Variants in NELL1 observed in about 807,000 individuals in gnomAD.
The protein encoded by NELL1 is neural EGFL like 1.
NELL1 carries 76 observed loss-of-function variants against 107.4 expected under a neutral mutation model. The observed-to-expected ratio is 0.71, with a 90% CI of 0.59 to 0.86. NELL1 has a LOEUF of 0.86. NELL1 is among the 40% of genes least tolerant of loss of function. NELL1 has a pLI of 0.00. For synonymous variants in NELL1, 353 were observed against 341.2 expected, an observed-to-expected ratio of 1.03 and a Z score of -0.38; for missense variants, 1,024 against 1,005.5, an observed-to-expected ratio of 1.02 and a Z score of -0.25.
intron 13 of NELL1, among the ~76,000 whole-genome samples, chr11:21,145,092 A>G (rs936243556): frequency 2.0e-5 from 3 of 152,220 alleles, no homozygotes; most frequent in Non-Finnish European, 2.9e-5. Context: ...TGCCAGGTAC[A>G]TAGTCAGTGC....
intron 13 of NELL1, among the ~76,000 whole-genome samples, chr11:21,118,157 C>G (rs1227397631): frequency 6.6e-6 from 1 of 151,874 alleles, no homozygotes; most frequent in Non-Finnish European, 1.5e-5. Flanking sequence ...GAAATGCAAG[C>G]AAAATACAAT....
At chr11:20,926,978 C>G (rs1255155538) in intron 7 of NELL1, 2 of 221,614 alleles carry the variant, frequency 9.0e-6, no homozygotes, top group Admixed American at 1.1e-4. Flanking sequence ...CATAATGAGT[C>G]CTTGAGAACA....
intron 15 of NELL1, among the ~76,000 whole-genome samples, chr11:21,386,337 ATGTTGGATT>A (rs1319627600): frequency 6.6e-6 from 1 of 151,856 alleles, no homozygotes; most frequent in Non-Finnish European, 1.5e-5. Context: ...AAATGAGGAC[ATGTTGGATT>A]TGCGTATCAT....
chr11:21,228,467 C>T (rs1263296344), intron 13 of NELL1, among the ~76,000 whole-genome samples: 1 of 152,096 alleles, frequency 6.6e-6, no homozygotes, highest in Admixed American at 6.5e-5. Context: ...GCTGAAGGCC[C>T]TTAAACAGAG....
chr11:20,699,724 T>G, intron 2 of NELL1, among the ~76,000 whole-genome samples: 1 of 152,216 alleles, frequency 6.6e-6, no homozygotes, highest in Non-Finnish European at 1.5e-5. Flanking sequence ...TTGCAATTGC[T>G]GATTGCGCTG....
chr11:21,399,824 G>A (rs1004637929), intron 15 of NELL1, among the ~76,000 whole-genome samples: 1 of 151,648 alleles, frequency 6.6e-6, no homozygotes, highest in Admixed American at 6.6e-5. Context: ...GGAAAATAAC[G>A]GCGATGCTGC....
chr11:21,446,863 G>A (rs1853445343), intron 15 of NELL1, among the ~76,000 whole-genome samples: 1 of 152,216 alleles, frequency 6.6e-6, no homozygotes, highest in Non-Finnish European at 1.5e-5. Context: ...TCAGGGTGAT[G>A]AGTTCTACCA....
chr11:20,740,928 A>G (rs1164421831), intron 2 of NELL1, among the ~76,000 whole-genome samples: 5 of 151,844 alleles, frequency 3.3e-5, no homozygotes, highest in Admixed American at 1.3e-4. Flanking sequence ...GCCCAGCTCT[A>G]ATGTTTTATT....
chr11:21,130,136 T>G (rs1487300061), intron 13 of NELL1, among the ~76,000 whole-genome samples: 1 of 152,170 alleles, frequency 6.6e-6, no homozygotes, highest in Non-Finnish European at 1.5e-5. Context: ...TGGAATAAAA[T>G]TTCAAATAGT....
At chr11:21,169,754 G>A (rs773102774) in intron 13 of NELL1, 106 of 1,094,860 alleles carry the variant, frequency 9.7e-5, no homozygotes, top group Non-Finnish European at 1.2e-4. Flanking sequence ...CTGACTCCTA[G>A]GCATTGAGGT....
chr11:21,460,605 C>T (rs1039449825), intron 15 of NELL1, among the ~76,000 whole-genome samples: 1 of 152,012 alleles, frequency 6.6e-6, no homozygotes, highest in Admixed American at 6.6e-5. Context: ...CTTATAAATG[C>T]GAGAGCATTG....
intron 13 of NELL1, among the ~76,000 whole-genome samples, chr11:21,200,269 A>G (rs1857239749): frequency 6.6e-6 from 1 of 152,186 alleles, no homozygotes; most frequent in Non-Finnish European, 1.5e-5. Context: ...TCAACAGTGT[A>G]AAAGCATTCC....
intron 2 of NELL1, among the ~76,000 whole-genome samples, chr11:20,678,440 G>A (rs1223304531): frequency 2.0e-5 from 3 of 152,098 alleles, no homozygotes; most frequent in Non-Finnish European, 4.4e-5. Context: ...TAGTGGATAG[G>A]CCATAAGAAC....
At chr11:21,328,773 A>G (rs564645184) in intron 14 of NELL1, among the ~76,000 whole-genome samples, 12 of 152,212 alleles carry the variant, frequency 7.9e-5, no homozygotes, top group Middle Eastern at 3.2e-3. Flanking sequence ...TGAGACATGG[A>G]GTCAAAAGAC....
chr11:21,370,100 G>T lies in NELL1; in HGVS notation c.1550-753G>T, dbSNP rs1419325583. On this transcript the variant is annotated intron_variant, in intron 14 of 19. Coordinates refer to ENST00000357134, the MANE Select transcript of NELL1 (RefSeq NM_006157.5). Reference sequence around the variant, plus strand: ...CTATTGCAATGGAGAGGTTCATGGAGCTATTTTATGCTATGCAAGTATGTA... The same window carrying T: ...CTATTGCAATGGAGAGGTTCATGGATCTATTTTATGCTATGCAAGTATGTA... Among the ~76,000 whole-genome samples the T allele has an allele frequency of 4.6e-5, 7 of 151,994 alleles. No individual in the cohort carries two copies. The South Asian group carries it at 1.5e-3, about 32-fold the overall frequency.
intron 2 of NELL1, among the ~76,000 whole-genome samples, chr11:20,730,862 A>G (rs1855623002): frequency 6.6e-6 from 1 of 152,220 alleles, no homozygotes; most frequent in Admixed American, 6.5e-5. Context: ...TACCCAAGGA[A>G]GAACTTCCTA....
intron 16 of NELL1, among the ~76,000 whole-genome samples, chr11:21,549,608 G>A (rs1332569415): frequency 6.6e-6 from 1 of 151,764 alleles, no homozygotes; most frequent in Non-Finnish European, 1.5e-5. Flanking sequence ...TCTCAGTGCA[G>A]TCATTTTTCT....
At chr11:20,948,780 A>C (rs1050266265) in intron 11 of NELL1, among the ~76,000 whole-genome samples, 30 of 151,628 alleles carry the variant, frequency 2.0e-4, no homozygotes, top group African/African-American at 6.3e-4. Context: ...AAAAAAAAAA[A>C]AAAAAAACAG....
rs546240413 is a variant in NELL1 at position 21,129,406 on chromosome 11, T to C, written c.1426+15692T>C. Among the ~76,000 whole-genome samples, 32 of 152,304 alleles carry C rather than the reference T, an allele frequency of 2.1e-4. No homozygotes were observed. In the East Asian group the frequency reaches 5.4e-3, roughly 26 times the overall value. ...TTAAATGATCTGGCGATTCCACTTA[T>C]GGGTATATACCCAAAAGAATTGAAA... On this transcript the variant is annotated intron_variant, in intron 13 of 19. Coordinates refer to ENST00000357134, the MANE Select transcript of NELL1 (RefSeq NM_006157.5).
Sources: allele counts gnomAD v4.1 joint callset (sites outside exome capture counted in the v4.1 genomes callset), GRCh38; gene constraint gnomAD v4.1.1; transcripts MANE v1.5; gene names NCBI Gene and HGNC (gene_info 2026-07-23, HGNC 2026-07-21).